Variants in NTM observed in about 807,000 individuals in gnomAD.
NTM encodes the protein neurotrimin.
A neutral mutation model predicts 42.1 loss-of-function variants in NTM; 13 were observed. That is an observed-to-expected ratio of 0.31 (90% CI 0.20 to 0.49). The LOEUF is 0.49. NTM is among the 20% of genes least tolerant of loss of function. The pLI, the probability that NTM is intolerant of heterozygous loss-of-function variation, is 0.99. For synonymous variants in NTM, 187 were observed against 179.2 expected, an observed-to-expected ratio of 1.04 and a Z score of -0.35; for missense variants, 373 against 452.8, an observed-to-expected ratio of 0.82 and a Z score of 1.60.
At chr11:131,840,067 A>G (rs1335274574) in intron 1 of NTM, among the ~76,000 whole-genome samples, 3 of 152,296 alleles carry the variant, frequency 2.0e-5, no homozygotes, top group Middle Eastern at 3.4e-3. Flanking sequence ...CTTTAAGGAC[A>G]TCGCACTTGG....
chr11:131,964,418 G>T (rs972808691), intron 2 of NTM, among the ~76,000 whole-genome samples: 1 of 152,162 alleles, frequency 6.6e-6, no homozygotes, highest in Non-Finnish European at 1.5e-5. Context: ...CCTCTAAAGT[G>T]TCAGCAAAAT....
intron 2 of NTM, among the ~76,000 whole-genome samples, chr11:132,123,017 CT>C (rs1281740711): frequency 6.6e-6 from 1 of 152,160 alleles, no homozygotes; most frequent in Non-Finnish European, 1.5e-5. Flanking sequence ...CATGCTCCCC[CT>C]GGCTGGCCTC....
intron 1 of NTM, among the ~76,000 whole-genome samples, chr11:131,608,979 T>C (rs11600993): frequency 0.43 from 64,854 of 152,162 alleles, 16,013 homozygotes; most frequent in East Asian, 0.61. Context: ...AAAATAATAA[T>C]GTAAAATGTT....
intron 1 of NTM, among the ~76,000 whole-genome samples, chr11:131,738,395 C>T (rs2080761268): frequency 6.6e-6 from 1 of 152,228 alleles, no homozygotes; most frequent in South Asian, 2.1e-4. Flanking sequence ...CTACACATTT[C>T]CCATTACCTT....
At chr11:132,225,956 T>A (rs2086177361) in intron 4 of NTM, among the ~76,000 whole-genome samples, 1 of 152,106 alleles carries the variant, frequency 6.6e-6, no homozygotes, top group Non-Finnish European at 1.5e-5. Flanking sequence ...AGTGAGAACA[T>A]GTGGCGTTTG....
intron 8 of NTM, among the ~76,000 whole-genome samples, chr11:132,333,854 A>T (rs553585845): frequency 1.3e-5 from 2 of 152,198 alleles, no homozygotes; most frequent in Non-Finnish European, 1.5e-5. Flanking sequence ...CCTAGCCAGG[A>T]GTTCTAGACT....
At chr11:131,661,954 C>T (rs2068148772) in intron 1 of NTM, among the ~76,000 whole-genome samples, 1 of 151,972 alleles carries the variant, frequency 6.6e-6, no homozygotes, top group South Asian at 2.1e-4. Flanking sequence ...TATCTTAAGT[C>T]CAATTAAAGG....
At chr11:131,780,288 G>A (rs1276261160) in intron 1 of NTM, among the ~76,000 whole-genome samples, 2 of 152,164 alleles carry the variant, frequency 1.3e-5, no homozygotes, top group Non-Finnish European at 2.9e-5. Context: ...GAGTGCATAA[G>A]GAAGTCAGAT....
chr11:132,086,542 A>G (rs1380933889), intron 2 of NTM, among the ~76,000 whole-genome samples: 2 of 152,194 alleles, frequency 1.3e-5, no homozygotes, highest in Non-Finnish European at 1.5e-5. Flanking sequence ...TAGCCACACC[A>G]TGTGTCCAAT....
chr11:131,918,984 C>T (rs747289119), intron 2 of NTM, among the ~76,000 whole-genome samples: 11 of 152,120 alleles, frequency 7.2e-5, no homozygotes, highest in Non-Finnish European at 1.2e-4. Flanking sequence ...AACATTTCCA[C>T]GTACTTCTCT....
intron 1 of NTM, among the ~76,000 whole-genome samples, chr11:131,654,572 AC>A (rs1301862373): frequency 6.6e-6 from 1 of 151,766 alleles, no homozygotes; most frequent in Non-Finnish European, 1.5e-5. Flanking sequence ...CTGAAATGTG[AC>A]CCCCAAGGTT....
At chr11:131,938,378 A>C (rs2059449259) in intron 2 of NTM, among the ~76,000 whole-genome samples, 1 of 152,160 alleles carries the variant, frequency 6.6e-6, no homozygotes, top group African/African-American at 2.4e-5. Flanking sequence ...AACAAGTATG[A>C]AGCTGTGTGG....
intron 3 of NTM, among the ~76,000 whole-genome samples, chr11:132,184,704 A>C (rs983215456): frequency 3.9e-5 from 6 of 152,176 alleles, no homozygotes; most frequent in Non-Finnish European, 4.4e-5. Flanking sequence ...TTTTCTTTTA[A>C]ATGTAAATTT....
At chr11:131,968,878 C>G (rs1382754268) in intron 2 of NTM, among the ~76,000 whole-genome samples, 1 of 152,190 alleles carries the variant, frequency 6.6e-6, no homozygotes, top group Non-Finnish European at 1.5e-5. Context: ...GGCTTTTTCT[C>G]TTACTGCACT....
At chr11:131,460,836 G>A (rs1409293323) in intron 1 of NTM, among the ~76,000 whole-genome samples, 3 of 152,184 alleles carry the variant, frequency 2.0e-5, no homozygotes, top group Non-Finnish European at 4.4e-5. Context: ...TTACAGGCGT[G>A]AACCACCGCG....
chr11:131,614,509 G>A (rs1035145659), intron 1 of NTM, among the ~76,000 whole-genome samples: 2 of 152,326 alleles, frequency 1.3e-5, no homozygotes, highest in Admixed American at 6.5e-5. Context: ...AGCTGTGAGG[G>A]GACTAGACAG....
intron 4 of NTM, among the ~76,000 whole-genome samples, chr11:132,255,486 G>A (rs2092398513): frequency 1.3e-5 from 2 of 152,178 alleles, no homozygotes; most frequent in African/African-American, 2.4e-5. Context: ...GGGCTCCCAG[G>A]TGGTTAATGC....
At chr11:131,607,659 C>A (rs2061089943) in intron 1 of NTM, among the ~76,000 whole-genome samples, 3 of 152,090 alleles carry the variant, frequency 2.0e-5, no homozygotes, top group Admixed American at 2.0e-4. Flanking sequence ...GCTGTGTGAA[C>A]CCTCCAACAC....
intron 1 of NTM, among the ~76,000 whole-genome samples, chr11:131,553,898 A>G (rs2055038957): frequency 1.3e-5 from 2 of 152,054 alleles, no homozygotes; most frequent in Non-Finnish European, 1.5e-5. Context: ...TTTCACTCTC[A>G]TTTCCCGTAA....
Sources: gnomAD v4.1 joint callset for allele counts (sites outside exome capture counted in the v4.1 genomes callset) on GRCh38, gnomAD v4.1.1 for gene constraint, MANE v1.5 for transcripts, NCBI Gene and HGNC (gene_info 2026-07-23, HGNC 2026-07-21) for gene names.